CDCP1: variants seen among roughly 807,000 people sequenced by gnomAD.
The protein encoded by CDCP1 is CUB domain containing protein 1.
CDCP1 carries 29 observed loss-of-function variants against 60.2 expected under a neutral mutation model. The ratio of observed to expected loss-of-function variants is 0.48; its 90% CI spans 0.36 to 0.66. The LOEUF (loss-of-function observed/expected upper bound fraction) is 0.66, where lower values mean the gene tolerates loss of function less well. Ranked by LOEUF, CDCP1 falls within the 30% of genes least tolerant of loss-of-function variation. CDCP1 has a pLI of 0.00. For missense variants in CDCP1, 876 were observed against 1,074.3 expected, an observed-to-expected ratio of 0.82 and a Z score of 2.58; for synonymous variants, 387 against 431.1, an observed-to-expected ratio of 0.90 and a Z score of 1.27.
At chr3:45,126,184 C>CTTTCCTTCTT (rs1698994834) in intron 1 of CDCP1, among the ~76,000 whole-genome samples, 1 of 58,860 alleles carries the variant, frequency 1.7e-5, no homozygotes, top group African/African-American at 6.5e-5. Context: ...CCTTCTTTCT[C>CTTTCCTTCTT]TCTCTCTCTC....
chr3:45,114,050 G>A (rs894081775), intron 2 of CDCP1, among the ~76,000 whole-genome samples: 1 of 152,142 alleles, frequency 6.6e-6, no homozygotes, highest in Non-Finnish European at 1.5e-5. Flanking sequence ...CTCACCTGCA[G>A]GCCGTTTAAA....
chr3:45,101,247 G>A (rs761683713), intron 4 of CDCP1, among the ~76,000 whole-genome samples: 13 of 152,182 alleles, frequency 8.5e-5, no homozygotes, highest in Admixed American at 2.6e-4. Flanking sequence ...CCTCAGCAGG[G>A]GTGGTGAATA....
chr3:45,102,942 G>A (rs532057444), intron 4 of CDCP1, among the ~76,000 whole-genome samples: 4 of 150,572 alleles, frequency 2.7e-5, no homozygotes, highest in South Asian at 2.1e-4. Flanking sequence ...GATTACAGGC[G>A]TGAGCCACCA....
At chr3:45,138,412 T>G (rs1455014111) in intron 1 of CDCP1, among the ~76,000 whole-genome samples, 1 of 152,228 alleles carries the variant, frequency 6.6e-6, no homozygotes, top group Non-Finnish European at 1.5e-5. Context: ...CAGACTATGA[T>G]AGCCTATAAT....
rs1418966807 is a variant in CDCP1 at position 45,083,095 on chromosome 3, G to T, written c.*2543C>A. 6.6e-6 allele frequency: 1 copy of T among 152,238 alleles called. No homozygotes were observed. The highest frequency in any genetic ancestry group is 1.5e-5 in the Non-Finnish European group (1 of 68,042). The allele number at this position is 152,238 out of a possible 1,614,324, so 9.4% of individuals were successfully genotyped here. A position where few individuals can be genotyped will look rare whatever the true frequency, so the allele number is the denominator to read the frequency against. ...AATCCCACCTTGGGTGGAATGCAGG[G>T]CACCTAGTCCTGCTTGGAAGGGGCT... On this transcript the variant is annotated 3_prime_UTR_variant, in exon 9 of 9. Coordinates refer to ENST00000296129, the MANE Select transcript of CDCP1 (RefSeq NM_022842.5).
chr3:45,101,276 A>G (rs1698481444), intron 4 of CDCP1, among the ~76,000 whole-genome samples: 2 of 152,230 alleles, frequency 1.3e-5, no homozygotes, highest in South Asian at 2.1e-4. Context: ...CAAAAATGCA[A>G]TCTAGCATAG....
At chr3:45,106,757 G>A (rs1026934604) in intron 4 of CDCP1, among the ~76,000 whole-genome samples, 1 of 152,192 alleles carries the variant, frequency 6.6e-6, no homozygotes, top group Non-Finnish European at 1.5e-5. Context: ...GGAAGGTCAA[G>A]TTAGGGCAAA....
chr3:45,109,973 T>C (rs1698660308), intron 4 of CDCP1, among the ~76,000 whole-genome samples: 1 of 152,152 alleles, frequency 6.6e-6, no homozygotes, highest in Non-Finnish European at 1.5e-5. Context: ...CTCTGAACCT[T>C]CTGGTTTCTC....
At chr3:45,146,410 C>G, upstream of CDCP1, 1 of 731,682 alleles carries the variant, frequency 1.4e-6, no homozygotes. Context: ...GCGGACCGGC[C>G]CGAGCCCCGC....
chr3:45,087,790 C>T (rs141217519), intron 8 of CDCP1, among the ~76,000 whole-genome samples: 42 of 152,130 alleles, frequency 2.8e-4, no homozygotes, highest in South Asian at 1.0e-3. Context: ...GAGGCCGAGG[C>T]GGGTGGATCA....
At chr3:45,092,950 C>T (rs1698321468) in intron 6 of CDCP1, among the ~76,000 whole-genome samples, 1 of 152,152 alleles carries the variant, frequency 6.6e-6, no homozygotes, top group Non-Finnish European at 1.5e-5. Flanking sequence ...CTTAAAAATC[C>T]GGGACTGGGG....
rs190977085 is a variant in CDCP1 at position 45,121,011 on chromosome 3, C to T, written c.83-2390G>A. Among the ~76,000 whole-genome samples, 348 of 152,228 alleles carry T rather than the reference C, an allele frequency of 2.3e-3. 1 individual carries two copies. The highest frequency in any genetic ancestry group is 4.0e-3 in the Admixed American group (61 of 15,298). On this transcript the variant is annotated intron_variant, in intron 1 of 8. Coordinates refer to ENST00000296129, the MANE Select transcript of CDCP1 (RefSeq NM_022842.5). Reference sequence around the variant, plus strand: ...CCCGTATTTTTTAGTGGTAGCCCCACGACCAAGGCAGTGCCTGATCCCCAC... The same window carrying T: ...CCCGTATTTTTTAGTGGTAGCCCCATGACCAAGGCAGTGCCTGATCCCCAC...
At chr3:45,094,256 C>T (rs573482207) in intron 5 of CDCP1, among the ~76,000 whole-genome samples, 97 of 151,774 alleles carry the variant, frequency 6.4e-4, no homozygotes, top group African/African-American at 2.3e-3. Context: ...GACCGAGTCT[C>T]ACTCTATTGC....
Position 45,084,229 on chromosome 3 carries a change from T to A in CDCP1, c.*1409A>T, listed in dbSNP as rs1222856326. 1.3e-5 allele frequency: 2 copies of A among 151,852 alleles called. No individual in the cohort carries two copies. Among genetic ancestry groups the A allele is most frequent in the Non-Finnish European group, 2.9e-5 (2 of 67,958 alleles). 9.4% of individuals were successfully genotyped at this position (151,852 alleles called of 1,614,324 possible). On this transcript the variant is annotated 3_prime_UTR_variant, in exon 9 of 9. Transcript: ENST00000296129. ...CATGGCCAGATCTTCTGATCTGGGT[T>A]TTTTTTTAAGTGTTAGAGTCCGCAA...
chr3:45,104,222 G>A (rs1469451118), intron 4 of CDCP1, among the ~76,000 whole-genome samples: 2 of 152,204 alleles, frequency 1.3e-5, no homozygotes, highest in East Asian at 1.9e-4. Flanking sequence ...TTGATTCTGG[G>A]GGCAAGACAG....
chr3:45,141,661 A>G (rs1166850088), intron 1 of CDCP1, among the ~76,000 whole-genome samples: 2 of 152,210 alleles, frequency 1.3e-5, no homozygotes, highest in African/African-American at 2.4e-5. Flanking sequence ...TGGACCAGAT[A>G]CAAACCCAAG....
chr3:45,118,085 A>G (rs994864395), intron 2 of CDCP1, among the ~76,000 whole-genome samples: 2 of 152,194 alleles, frequency 1.3e-5, no homozygotes, highest in African/African-American at 4.8e-5. Flanking sequence ...TGAAGAGCCT[A>G]TGTGCACAGT....
rs1698166836 is a variant in CDCP1, at chr3:45,085,147, A to G, written c.*491T>C. 6.5e-6 allele frequency: 1 copy of G among 154,214 alleles called. No homozygotes were observed. The highest frequency in any genetic ancestry group is 1.4e-5 in the Non-Finnish European group (1 of 69,424). 9.6% of individuals were successfully genotyped at this position (154,214 alleles called of 1,614,324 possible). On this transcript the variant is annotated 3_prime_UTR_variant, in exon 9 of 9. Coordinates refer to ENST00000296129, the MANE Select transcript of CDCP1 (RefSeq NM_022842.5). This position sits in a 1 kb window ranked among gnomAD's most constrained non-coding sequence, Gnocchi z 4.2. ...AGTTATTACTAAGTCAGGTGAAAAG[A>G]GCTAGGTGGTTATACATTTGATCTC... is the stretch of plus-strand genomic sequence containing the variant.
chr3:45,145,982 A>T (rs567139231), intron 1 of CDCP1, among the ~76,000 whole-genome samples: 8 of 151,400 alleles, frequency 5.3e-5, no homozygotes, highest in African/African-American at 1.9e-4. Flanking sequence ...GGCAAGGTTG[A>T]CTCCAGGAGG....
Sources: allele counts gnomAD v4.1 joint callset (sites outside exome capture counted in the v4.1 genomes callset), GRCh38; gene constraint gnomAD v4.1.1; non-coding constraint Gnocchi (gnomAD v3.1); transcripts MANE v1.5; gene names NCBI Gene and HGNC (gene_info 2026-07-23, HGNC 2026-07-21).